The following ARID5B variants were observed in gnomAD, a reference collection of about 807,000 sequenced individuals.
ARID5B encodes the protein AT-rich interaction domain 5B, also known as AT-rich interactive domain-containing protein 5B.
A neutral mutation model predicts 97.2 loss-of-function variants in ARID5B; 13 were observed. The ratio of observed to expected loss-of-function variants is 0.13; its 90% CI spans 0.09 to 0.21. The LOEUF (loss-of-function observed/expected upper bound fraction) is 0.21, where lower values mean the gene tolerates loss of function less well. ARID5B is among the 10% of genes least tolerant of loss of function. ARID5B has a pLI of 1.00. For missense variants in ARID5B, 1,210 were observed against 1,465.3 expected, an observed-to-expected ratio of 0.83 and a Z score of 2.84; for synonymous variants, 556 against 570.3, an observed-to-expected ratio of 0.97 and a Z score of 0.36.
At chr10:61,947,976 A>G (rs1838261889) in intron 3 of ARID5B, among the ~76,000 whole-genome samples, 1 of 152,242 alleles carries the variant, frequency 6.6e-6, no homozygotes. Flanking sequence ...TTAGAATTCC[A>G]GGTTCATTTC....
At chr10:62,054,232 T>C (rs956034205) in intron 5 of ARID5B, among the ~76,000 whole-genome samples, 4 of 152,180 alleles carry the variant, frequency 2.6e-5, no homozygotes, top group South Asian at 2.1e-4. Flanking sequence ...TAGGTCAACA[T>C]GAAGACTAGC....
chr10:62,096,502 A>G lies in ARID5B; in HGVS notation c.*3472A>G, dbSNP rs570277277. The G allele has an allele frequency of 4.1e-4, 95 of 233,436 alleles. No individual in the cohort carries two copies. The highest frequency in any genetic ancestry group is 2.0e-3 in the African/African-American group (93 of 45,468). 14.5% of individuals were successfully genotyped at this position (233,436 alleles called of 1,614,324 possible). A position where few individuals can be genotyped will look rare whatever the true frequency, so the allele number is the denominator to read the frequency against. Reference sequence around the variant, plus strand: ...TGATTATCTTGAGCACTTAAAGTCCAGTGTTGGCTGTTAGTGTATTTGATA... The same window carrying G: ...TGATTATCTTGAGCACTTAAAGTCCGGTGTTGGCTGTTAGTGTATTTGATA... On this transcript the variant is annotated 3_prime_UTR_variant, in exon 10 of 10. Coordinates refer to ENST00000279873, the MANE Select transcript of ARID5B (RefSeq NM_032199.3).
intron 8 of ARID5B, among the ~76,000 whole-genome samples, chr10:62,081,434 G>C (rs1251322052): frequency 6.6e-6 from 1 of 152,190 alleles, no homozygotes; most frequent in East Asian, 1.9e-4. Context: ...TTCCATGCAA[G>C]CATTAATCAA....
chr10:61,997,506 G>A (rs763587487), intron 3 of ARID5B, among the ~76,000 whole-genome samples: 2 of 152,166 alleles, frequency 1.3e-5, no homozygotes, highest in Non-Finnish European at 2.9e-5. Flanking sequence ...TTCAACCTGA[G>A]AGCACACACA....
rs1255438374 is a variant in ARID5B at position 62,092,332 on chromosome 10, G to A, written c.2869G>A (p.Val957Ile). 1 of 1,613,504 alleles carries A rather than the reference G, an allele frequency of 6.2e-7. No homozygotes were observed. Among genetic ancestry groups the A allele is most frequent in the Non-Finnish European group, 8.5e-7 (1 of 1,179,740 alleles). ...SRDCHPKACR[V>I]SPMTMSGPKK... The stretch of plus-strand genomic sequence containing the variant: ...AGACTGTCACCCCAAAGCCTGTCGG[G>A]TATCACCCATGACCATGTCAGGCCC... Residue 957 changes from valine (V) to isoleucine (I), a missense_variant, in exon 10 of 10, where the codon GTA (valine) becomes ATA (isoleucine). This residue lies in a region of ARID5B where 800 missense variants were observed against 839.1 expected (regional missense o/e 0.95). Coordinates refer to ENST00000279873, the MANE Select transcript of ARID5B (RefSeq NM_032199.3).
intron 4 of ARID5B, among the ~76,000 whole-genome samples, chr10:62,022,254 G>A (rs1161284748): frequency 2.6e-5 from 4 of 152,192 alleles, no homozygotes; most frequent in Non-Finnish European, 4.4e-5. Flanking sequence ...CCAGTTAAGG[G>A]GCACTCTTAC....
chr10:62,032,601 G>C (rs924879835), intron 4 of ARID5B, among the ~76,000 whole-genome samples: 2 of 152,116 alleles, frequency 1.3e-5, no homozygotes, highest in Non-Finnish European at 2.9e-5. Context: ...TGTAATCCCA[G>C]CTGCTCGGGA....
At chr10:62,026,722 T>C (rs1456415849) in intron 4 of ARID5B, among the ~76,000 whole-genome samples, 2 of 152,154 alleles carry the variant, frequency 1.3e-5, no homozygotes, top group East Asian at 1.9e-4. Context: ...TGGAGCTTGA[T>C]GAGATTTGCT....
chr10:61,947,120 C>T (rs1412309960), intron 3 of ARID5B, among the ~76,000 whole-genome samples: 2 of 152,084 alleles, frequency 1.3e-5, no homozygotes, highest in African/African-American at 4.8e-5. Context: ...TCTCCAAGTA[C>T]CCACATGACT....
chr10:62,049,535 T>C, intron 4 of ARID5B: 12 of 1,549,996 alleles, frequency 7.7e-6, no homozygotes, highest in Non-Finnish European at 9.6e-6. Flanking sequence ...TTGTTTACCT[T>C]TGGTAATTCC....
At chr10:61,973,822 A>G (rs113047363) in intron 3 of ARID5B, among the ~76,000 whole-genome samples, 10 of 152,340 alleles carry the variant, frequency 6.6e-5, no homozygotes, top group African/African-American at 2.4e-4. Flanking sequence ...TATTTCAAAT[A>G]ATTAGGTTGA....
chr10:61,984,449 A>G (rs1181462098), intron 3 of ARID5B, among the ~76,000 whole-genome samples: 1 of 152,228 alleles, frequency 6.6e-6, no homozygotes, highest in Non-Finnish European at 1.5e-5. Flanking sequence ...TCTTGCCCTC[A>G]GATGCTGCTT....
chr10:61,973,608 G>A (rs1838660307), intron 3 of ARID5B, among the ~76,000 whole-genome samples: 1 of 151,996 alleles, frequency 6.6e-6, no homozygotes, highest in African/African-American at 2.4e-5. Flanking sequence ...CCAGATGCCA[G>A]TGTAAAAAAT....
At chr10:62,040,073 T>G (rs1839615802) in intron 4 of ARID5B, among the ~76,000 whole-genome samples, 1 of 152,236 alleles carries the variant, frequency 6.6e-6, no homozygotes, top group Non-Finnish European at 1.5e-5. Context: ...CGACCCATAT[T>G]GACAGCAGGA....
chr10:62,010,645 G>C (rs1839205057), intron 4 of ARID5B, among the ~76,000 whole-genome samples: 1 of 152,200 alleles, frequency 6.6e-6, no homozygotes, highest in African/African-American at 2.4e-5. Context: ...TCAAACCAAA[G>C]AGACATTGTT....
At position 62,091,944 on chromosome 10, in the gene ARID5B, C is replaced by T; in HGVS notation, c.2481C>T (p.Phe827=). 6.2e-7 allele frequency: 1 copy of T among 1,613,570 alleles called. No individual in the cohort carries two copies. The highest frequency in any genetic ancestry group is 8.5e-7 in the Non-Finnish European group (1 of 1,179,864). ...TCCCCCATTCCCACATGCCTAGCTT[C>T]CTGGCTGACTTCTACTCGTCCCCTC... The part of the protein sequence containing the change: ...RALPHSHMPS[F]LADFYSSPHL... The change falls in exon 10 of 10, where the codon TTC becomes TTT. Residue 827 remains phenylalanine, a synonymous_variant. Transcript: ENST00000279873.
chr10:61,936,997 G>C (rs980044015), intron 2 of ARID5B, among the ~76,000 whole-genome samples: 2 of 152,200 alleles, frequency 1.3e-5, no homozygotes, highest in Non-Finnish European at 2.9e-5. Context: ...TTGGCAGATA[G>C]GAAACCTGGA....
At chr10:62,007,521 G>T (rs992398378) in intron 4 of ARID5B, among the ~76,000 whole-genome samples, 3 of 152,142 alleles carry the variant, frequency 2.0e-5, no homozygotes, top group Admixed American at 6.5e-5. Context: ...GACCTCACAG[G>T]TATTGACCTC....
At chr10:61,961,258 T>G (rs1036545899) in intron 3 of ARID5B, among the ~76,000 whole-genome samples, 1 of 152,188 alleles carries the variant, frequency 6.6e-6, no homozygotes, top group Non-Finnish European at 1.5e-5. Flanking sequence ...CTGTATCACT[T>G]GCTATAATTA....
Sources: gnomAD v4.1 joint callset for allele counts (sites outside exome capture counted in the v4.1 genomes callset) on GRCh38, gnomAD v4.1.1 for gene constraint, gnomAD v4.1.1 regional missense constraint, MANE v1.5 for transcripts, NCBI Gene and HGNC (gene_info 2026-07-23, HGNC 2026-07-21) for gene names.